The following FBXL17 variants were observed in gnomAD, a reference collection of about 807,000 sequenced individuals.
The protein encoded by FBXL17 is F-box and leucine rich repeat protein 17, also known as F-box/LRR-repeat protein 17.
Under a neutral mutation model 66.2 loss-of-function variants are expected in FBXL17, and 22 were observed. The ratio of observed to expected loss-of-function variants is 0.33; its 90% confidence interval spans 0.24 to 0.47. The LOEUF is 0.47. Ranked by LOEUF, FBXL17 falls within the 20% of genes least tolerant of loss-of-function variation. FBXL17 has a pLI of 1.00. For synonymous variants in FBXL17, 474 were observed against 400.5 expected, an observed-to-expected ratio of 1.18 and a Z score of -2.19; for missense variants, 878 against 948.2, an observed-to-expected ratio of 0.93 and a Z score of 0.97.
intron 1 of FBXL17, among the ~76,000 whole-genome samples, chr5:108,368,161 A>G (rs536740831): frequency 2.6e-5 from 4 of 152,222 alleles, no homozygotes; most frequent in South Asian, 4.1e-4. Flanking sequence ...ATTTTCTGTA[A>G]GAAGAGGAGG....
chr5:108,072,595 CT>C (rs1748377665), intron 6 of FBXL17, among the ~76,000 whole-genome samples: 3 of 152,164 alleles, frequency 2.0e-5, no homozygotes, highest in Non-Finnish European at 4.4e-5. Flanking sequence ...GTAGTCCCAG[CT>C]ACTTGGGAGG....
At chr5:107,887,865 A>G (rs1354229579) in intron 7 of FBXL17, among the ~76,000 whole-genome samples, 3 of 152,204 alleles carry the variant, frequency 2.0e-5, no homozygotes, top group Admixed American at 2.0e-4. Flanking sequence ...GCTGAGAACC[A>G]CTGGAACAGA....
chr5:108,241,094 G>A (rs1175532284), intron 4 of FBXL17, among the ~76,000 whole-genome samples: 1 of 152,086 alleles, frequency 6.6e-6, no homozygotes, highest in Non-Finnish European at 1.5e-5. Context: ...AGACACCAAT[G>A]AACATTCACA....
intron 5 of FBXL17, among the ~76,000 whole-genome samples, chr5:108,215,951 G>A (rs1754581865): frequency 7.6e-6 from 1 of 131,288 alleles, no homozygotes. Context: ...ATGTGCTTAA[G>A]AGACTCTTCT....
chr5:108,007,966 T>C (rs1042217441), intron 7 of FBXL17, among the ~76,000 whole-genome samples: 8 of 152,220 alleles, frequency 5.3e-5, no homozygotes, highest in Non-Finnish European at 8.8e-5. Flanking sequence ...GCGGCACATA[T>C]TCATGCGCAT....
chr5:108,248,898 A>T (rs1413642041), intron 4 of FBXL17, among the ~76,000 whole-genome samples: 1 of 152,122 alleles, frequency 6.6e-6, no homozygotes, highest in South Asian at 2.1e-4. Context: ...AACTTACAGA[A>T]TTTTTTCCAA....
At chr5:108,316,562 A>G (rs1258502306) in intron 4 of FBXL17, among the ~76,000 whole-genome samples, 2 of 151,482 alleles carry the variant, frequency 1.3e-5, no homozygotes, top group Non-Finnish European at 3.0e-5. Context: ...AATTTTTAAC[A>G]TTAAAATATC....
chr5:108,110,779 G>A (rs458263), intron 6 of FBXL17, among the ~76,000 whole-genome samples: 99,207 of 151,508 alleles, frequency 0.65, 33,416 homozygotes, highest in East Asian at 0.92. Flanking sequence ...GTGCCTCAAA[G>A]TTTTCACAGT....
chr5:108,060,947 C>T (rs753671605), intron 6 of FBXL17, among the ~76,000 whole-genome samples: 32 of 152,102 alleles, frequency 2.1e-4, no homozygotes, highest in Non-Finnish European at 2.2e-4. Context: ...CACAGGCCAA[C>T]AACCAGACAT....
chr5:108,144,909 A>G (rs963633158), intron 6 of FBXL17, among the ~76,000 whole-genome samples: 3 of 152,188 alleles, frequency 2.0e-5, no homozygotes, highest in African/African-American at 7.2e-5. Context: ...TTAGACTTAC[A>G]GACTGATAAT....
chr5:108,123,529 T>C (rs1160715856), intron 6 of FBXL17, among the ~76,000 whole-genome samples: 2 of 152,220 alleles, frequency 1.3e-5, no homozygotes, highest in Admixed American at 6.5e-5. Context: ...TTTCTAGTGT[T>C]TTCATGTTAC....
At chr5:107,954,707 A>G (rs1751603288) in intron 7 of FBXL17, among the ~76,000 whole-genome samples, 1 of 152,228 alleles carries the variant, frequency 6.6e-6, no homozygotes. Flanking sequence ...ATGAATGAAA[A>G]GACAGCAGAT....
intron 7 of FBXL17, among the ~76,000 whole-genome samples, chr5:108,004,815 G>T (rs149552112): frequency 0.02 from 3,019 of 152,126 alleles, 94 homozygotes; most frequent in African/African-American, 0.065. Context: ...CAAACTAGTG[G>T]GAAATACTTC....
chr5:108,074,979 T>C (rs1018644379), intron 6 of FBXL17, among the ~76,000 whole-genome samples: 3 of 152,234 alleles, frequency 2.0e-5, no homozygotes, highest in African/African-American at 7.2e-5. Flanking sequence ...CAAATTTCAT[T>C]GTGAAAGGAT....
intron 6 of FBXL17, among the ~76,000 whole-genome samples, chr5:108,093,897 A>C (rs1749277076): frequency 6.6e-6 from 1 of 152,218 alleles, no homozygotes; most frequent in Non-Finnish European, 1.5e-5. Context: ...TTAAATACTT[A>C]GAAAACCACA....
chr5:108,369,595 T>C (rs1367872988), intron 1 of FBXL17, among the ~76,000 whole-genome samples: 2 of 151,632 alleles, frequency 1.3e-5, no homozygotes, highest in Non-Finnish European at 2.9e-5. Flanking sequence ...CAAAACACCA[T>C]ATATTTTAAA....
At chr5:108,218,035 T>G (rs1754687444) in intron 5 of FBXL17, among the ~76,000 whole-genome samples, 1 of 110,198 alleles carries the variant, frequency 9.1e-6, no homozygotes, top group Non-Finnish European at 1.9e-5. Context: ...TTTTTTTTTT[T>G]GAGACAGAGT....
chr5:107,936,966 A>T (rs1359427106), intron 7 of FBXL17, among the ~76,000 whole-genome samples: 1 of 152,134 alleles, frequency 6.6e-6, no homozygotes, highest in East Asian at 1.9e-4. Flanking sequence ...AAAGAAACTC[A>T]AAAAAGAACA....
intron 4 of FBXL17, among the ~76,000 whole-genome samples, chr5:108,237,960 A>T (rs1018665622): frequency 1.3e-5 from 2 of 152,260 alleles, no homozygotes; most frequent in Non-Finnish European, 2.9e-5. Flanking sequence ...GAACGCAAGA[A>T]AATTTTTCCA....
Sources: gnomAD v4.1 joint callset for allele counts (sites outside exome capture counted in the v4.1 genomes callset) on GRCh38, gnomAD v4.1.1 for gene constraint, MANE v1.5 for transcripts, NCBI Gene and HGNC (gene_info 2026-07-23, HGNC 2026-07-21) for gene names.